The following SLC2A5 variants were observed in gnomAD, a reference collection of about 807,000 sequenced individuals.
The protein encoded by SLC2A5 is solute carrier family 2 member 5, also known as solute carrier family 2, facilitated glucose transporter member 5.
A neutral mutation model predicts 50.3 loss-of-function variants in SLC2A5; 56 were observed. The ratio of observed to expected loss-of-function variants is 1.11; its 90% confidence interval spans 0.90 to 1.39. SLC2A5 has a LOEUF of 1.39. SLC2A5 is among the 40% of genes most tolerant of loss of function. The probability of loss-of-function intolerance (pLI) is 0.00; values close to 1 mark genes in which losing one functional copy is unlikely to be tolerated. For missense variants in SLC2A5, 566 were observed against 650.1 expected (o/e 0.87, Z 1.41); for synonymous variants, 269 against 281.9 (o/e 0.95, Z 0.46).
chr1:9,064,199 A>G (rs1225361733), intron 1 of SLC2A5, among the ~76,000 whole-genome samples: 1 of 152,154 alleles, frequency 6.6e-6, no homozygotes, highest in East Asian at 1.9e-4. Flanking sequence ...GCAGTACTAC[A>G]TTTTAAAAGG....
At chr1:9,074,769 A>T (rs1642261640) in intron 2 of SLC2A5, among the ~76,000 whole-genome samples, 1 of 152,116 alleles carries the variant, frequency 6.6e-6, no homozygotes, top group South Asian at 2.1e-4. Flanking sequence ...TTCTCCTGTA[A>T]TCCCAGCATT....
chr1:9,038,579 C>T (rs1159949509), intron 9 of SLC2A5, 73 bp from the exon 10 acceptor site: 1 of 1,380,944 alleles, frequency 7.2e-7, no homozygotes, highest in East Asian at 2.3e-5. Context: ...GGCCAACCTG[C>T]CCTGGTGGGT....
chr1:9,071,091 C>T (rs868530405), upstream of SLC2A5, among the ~76,000 whole-genome samples: 5 of 152,052 alleles, frequency 3.3e-5, no homozygotes, highest in Admixed American at 6.6e-5. Context: ...AGTGAGGAGA[C>T]GGGTACAGGT....
chr1:9,056,674 C>T (rs1038540890), intron 3 of SLC2A5, among the ~76,000 whole-genome samples: 2 of 151,980 alleles, frequency 1.3e-5, no homozygotes, highest in African/African-American at 2.4e-5. Context: ...GGAATTTATA[C>T]GGGGGAGCGT....
Position 9,053,090 on chromosome 1 carries a change from A to ATATATATTATATATAATATATAT in SLC2A5, c.293+4357_293+4358insATATATATTATATATAATATATA, listed in dbSNP as rs1335541490. On this transcript the variant is annotated intron_variant, in intron 3 of 11. Transcript: ENST00000377424. ...TTATATATTTATATATTAATATATAATATATATTTATATATAATATATATT... is the reference window on the plus strand; with the variant it reads ...TTATATATTTATATATTAATATATAATATATATTATATATAATATATATTATATATTTATATATAATATATATT... Among the ~76,000 whole-genome samples, 168 of 98,006 alleles carry ATATATATTATATATAATATATAT rather than the reference A, an allele frequency of 1.7e-3. 2 individuals are homozygous for ATATATATTATATATAATATATAT. The highest frequency in any genetic ancestry group is 6.8e-3 in the African/African-American group (166 of 24,528). The allele number at this position is 98,006 out of a possible 152,430, so 64.3% of individuals were successfully genotyped here.
the SLC2A5 span, among the ~76,000 whole-genome samples, chr1:9,093,865 C>T: frequency 6.6e-6 from 1 of 152,166 alleles, no homozygotes; most frequent in Non-Finnish European, 1.5e-5. Context: ...TAACCCTAAT[C>T]TATCAACTCC....
intron 2 of SLC2A5, 108 bp from the exon 3 acceptor site, chr1:9,057,716 A>C: frequency 1.1e-6 from 1 of 903,248 alleles, no homozygotes; most frequent in Non-Finnish European, 1.7e-6. Context: ...ACAGAGACCA[A>C]CCTTATTAAC....
Position 9,037,741 on chromosome 1 carries a change from G to A in SLC2A5, c.1351C>T (p.Leu451Phe). The A allele has an allele frequency of 6.2e-7, 1 of 1,614,202 alleles. No homozygotes were observed. The highest frequency in any genetic ancestry group is 8.5e-7 in the Non-Finnish European group (1 of 1,180,032). ...ATCAAGAAGATGTAGATGGTGGTGA[G>A]GAGGCAGATCACGGCGAAGACAATG... ...SFIVFAVICL[L>F]TTIYIFLIVP... Residue 451 changes from leucine (L) to phenylalanine (F), a missense_variant, in exon 12 of 12, where the codon CTC (leucine) becomes TTC (phenylalanine). Physicochemically the swap from Leu to Phe is conservative, Grantham distance 22 (BLOSUM62 0). Transcript: ENST00000377424.
rs889156279 is a variant in SLC2A5, at chr1:9,051,519, G to A, written c.294-3785C>T. On this transcript the variant is annotated intron_variant, in intron 3 of 11. Coordinates refer to ENST00000377424, the MANE Select transcript of SLC2A5 (RefSeq NM_003039.3). ...CTTAACAGACACCTCACCAAGATAC[G>A]CAGATGGGAAATAAGCATATGAAAA... Among the ~76,000 whole-genome samples the A allele has an allele frequency of 1.2e-4, 19 of 152,212 alleles. 1 individual carries two copies. In the East Asian group the frequency reaches 3.1e-3, roughly 25 times the overall value.
chr1:9,070,180 A>C (rs1047320710), upstream of SLC2A5, among the ~76,000 whole-genome samples: 1 of 142,856 alleles, frequency 7.0e-6, no homozygotes, highest in African/African-American at 2.7e-5. Context: ...TCCCGAGTTC[A>C]AGCGATTCTC....
rs41280746 is a variant in SLC2A5, at chr1:9,041,667, G to A, written c.571+118C>T. The A allele has an allele frequency of 6.0e-4, 948 of 1,579,398 alleles. 1 individual carries two copies. Among genetic ancestry groups the A allele is most frequent in the Non-Finnish European group, 7.5e-4 (876 of 1,162,098 alleles). ...TGGGCCCCCCAAGGACATCCAGCCT[G>A]TTAGAAGAGACCAGTCTGCAGAAAG... is the stretch of plus-strand genomic sequence containing the variant. On this transcript the variant is annotated intron_variant, in intron 5 of 11. Coordinates refer to ENST00000377424, the MANE Select transcript of SLC2A5 (RefSeq NM_003039.3).
intron 2 of SLC2A5, among the ~76,000 whole-genome samples, chr1:9,076,794 T>C (rs560759067): frequency 6.6e-6 from 1 of 151,528 alleles, no homozygotes; most frequent in South Asian, 2.1e-4. Flanking sequence ...GTGTTTTTTT[T>C]GTTTTTTTTT....
At chr1:9,060,079 C>A (rs1420916850) in intron 1 of SLC2A5, among the ~76,000 whole-genome samples, 1 of 145,470 alleles carries the variant, frequency 6.9e-6, no homozygotes, top group Non-Finnish European at 1.5e-5. Flanking sequence ...ACACTACACA[C>A]ACACACTACA....
At chr1:9,061,628 T>C (rs765615) in intron 1 of SLC2A5, among the ~76,000 whole-genome samples, 52,169 of 150,754 alleles carry the variant, frequency 0.35, 9,648 homozygotes, top group African/African-American at 0.48. Flanking sequence ...AATTCTTTTC[T>C]AATTCTCTTC....
At chr1:9,063,852 C>T (rs1642013004) in intron 1 of SLC2A5, among the ~76,000 whole-genome samples, 3 of 143,718 alleles carry the variant, frequency 2.1e-5, no homozygotes, top group Admixed American at 6.9e-5. Context: ...CCCGCTACCA[C>T]GCCCGGCTAA....
upstream of SLC2A5, among the ~76,000 whole-genome samples, chr1:9,074,577 A>G (rs956010610): frequency 2.6e-5 from 4 of 152,206 alleles, no homozygotes; most frequent in African/African-American, 9.6e-5. Flanking sequence ...GCTTAGGAAC[A>G]TAAGGAAAGA....
At chr1:9,065,593 T>C (rs1443338332) in intron 1 of SLC2A5, among the ~76,000 whole-genome samples, 8 of 151,970 alleles carry the variant, frequency 5.3e-5, no homozygotes, top group South Asian at 2.1e-4. Flanking sequence ...GCCGCTGCGG[T>C]GGTTTGGAGC....
Position 9,039,552 on chromosome 1 carries a change from G to T in SLC2A5, c.996C>A (p.Ala332=). The T allele has an allele frequency of 1.3e-6, 2 of 1,564,070 alleles. No individual in the cohort carries two copies. The highest frequency in any genetic ancestry group is 1.2e-5 in the South Asian group (1 of 85,034). The change falls in exon 8 of 12, where the codon GCC becomes GCA. Residue 332 remains alanine (A), a splice_region_variant and synonymous_variant. Coordinates refer to ENST00000377424, the MANE Select transcript of SLC2A5 (RefSeq NM_003039.3). ...GAVNVVMTFC[A]VFVVELLGRR... ...TGTGGGCAGCTCCCAGGACACTCAC[G>T]GCGCAGAAGGTCATGACCACGTTCA...
intron 4 of SLC2A5, among the ~76,000 whole-genome samples, chr1:9,043,503 G>C (rs148856135): frequency 5.2e-4 from 79 of 152,262 alleles, no homozygotes; most frequent in African/African-American, 1.8e-3. Flanking sequence ...CCTCCTGGGA[G>C]CTGAAGTGGG....
Sources: gnomAD v4.1 joint callset for allele counts (sites outside exome capture counted in the v4.1 genomes callset) on GRCh38, gnomAD v4.1.1 for gene constraint, MANE v1.5 for transcripts, NCBI Gene and HGNC (gene_info 2026-07-23, HGNC 2026-07-21) for gene names.